ATXN1: variants seen among roughly 807,000 people sequenced by gnomAD.
ATXN1 encodes the protein ataxin-1.
ATXN1 carries 8 observed loss-of-function variants against 56.4 expected under a neutral mutation model. The ratio of observed to expected loss-of-function variants is 0.14; its 90% confidence interval spans 0.08 to 0.26. The LOEUF (loss-of-function observed/expected upper bound fraction) is 0.26. ATXN1 is among the 10% of genes least tolerant of loss of function. ATXN1 has a pLI of 1.00. For missense variants in ATXN1, 987 were observed against 1,106.5 expected, an observed-to-expected ratio of 0.89 and a Z score of 1.53; for synonymous variants, 514 against 494.6, an observed-to-expected ratio of 1.04 and a Z score of -0.52.
chr6:16,437,396 A>G (rs994884264), intron 6 of ATXN1, among the ~76,000 whole-genome samples: 1 of 152,222 alleles, frequency 6.6e-6, no homozygotes, highest in African/African-American at 2.4e-5. Context: ...ACATGTCTAC[A>G]TGGGAAGGGC....
At chr6:16,396,998 T>C (rs982910126) in intron 6 of ATXN1, among the ~76,000 whole-genome samples, 1 of 152,196 alleles carries the variant, frequency 6.6e-6, no homozygotes, top group Non-Finnish European at 1.5e-5. Context: ...CCATCTAGGC[T>C]TGGGTGAACA....
chr6:16,420,283 G>A (rs1292780809), intron 6 of ATXN1, among the ~76,000 whole-genome samples: 1 of 152,182 alleles, frequency 6.6e-6, no homozygotes, highest in East Asian at 1.9e-4. Context: ...TGTCTCTGGG[G>A]ACCTTCAGAC....
At chr6:16,560,363 A>G (rs1319558343) in intron 4 of ATXN1, among the ~76,000 whole-genome samples, 2 of 142,786 alleles carry the variant, frequency 1.4e-5, no homozygotes, top group East Asian at 4.1e-4. Context: ...GGGGAGGCGG[A>G]GGTTGCAGTG....
At chr6:16,754,283 T>C (rs1173983951) in intron 1 of ATXN1, among the ~76,000 whole-genome samples, 2 of 152,212 alleles carry the variant, frequency 1.3e-5, no homozygotes, top group Non-Finnish European at 1.5e-5. Flanking sequence ...TGGACTGATT[T>C]TCAGTCTTTG....
chr6:16,721,897 C>G (rs1340250219), intron 2 of ATXN1, among the ~76,000 whole-genome samples: 1 of 152,174 alleles, frequency 6.6e-6, no homozygotes, highest in African/African-American at 2.4e-5. Context: ...CTACAATCCT[C>G]TCCCAGAAAA....
chr6:16,650,520 T>A (rs1763874474), intron 3 of ATXN1, among the ~76,000 whole-genome samples: 1 of 152,262 alleles, frequency 6.6e-6, no homozygotes. Context: ...TAGATTTTTG[T>A]CACTGCTTTG....
intron 2 of ATXN1, among the ~76,000 whole-genome samples, chr6:16,709,802 C>T (rs543374158): frequency 2.7e-4 from 41 of 152,148 alleles, no homozygotes; most frequent in Admixed American, 8.5e-4. Context: ...TAAACATAGT[C>T]GCAAAAATAC....
At chr6:16,520,597 A>C (rs1370371160) in intron 5 of ATXN1, among the ~76,000 whole-genome samples, 1 of 152,174 alleles carries the variant, frequency 6.6e-6, no homozygotes, top group Non-Finnish European at 1.5e-5. Context: ...CAAGGCCCTT[A>C]ATTGCCCCCT....
intron 6 of ATXN1, among the ~76,000 whole-genome samples, chr6:16,423,245 A>G (rs557556658): frequency 2.6e-5 from 4 of 152,254 alleles, no homozygotes; most frequent in African/African-American, 9.6e-5. Flanking sequence ...CTTTGTTCCC[A>G]TCCTCACGGC....
intron 6 of ATXN1, among the ~76,000 whole-genome samples, chr6:16,444,091 G>C (rs1182907051): frequency 6.7e-6 from 1 of 148,314 alleles, no homozygotes; most frequent in Non-Finnish European, 1.5e-5. Context: ...ATTCCAGCCT[G>C]GGCGACAGAG....
intron 7 of ATXN1, among the ~76,000 whole-genome samples, chr6:16,320,902 A>G (rs994391930): frequency 3.3e-5 from 5 of 152,226 alleles, no homozygotes; most frequent in Admixed American, 2.6e-4. Flanking sequence ...CAGGGTAAAA[A>G]TGGCTTATTG....
intron 2 of ATXN1, among the ~76,000 whole-genome samples, chr6:16,734,343 T>A (rs1581403942): frequency 6.6e-6 from 1 of 152,172 alleles, no homozygotes; most frequent in South Asian, 2.1e-4. Context: ...TCGCCTTCAC[T>A]TTTTAAAGGT....
At chr6:16,661,842 C>G (rs1260485884) in intron 2 of ATXN1, among the ~76,000 whole-genome samples, 1 of 152,158 alleles carries the variant, frequency 6.6e-6, no homozygotes, top group Non-Finnish European at 1.5e-5. Context: ...CCGCCCCCAC[C>G]CTATCCTTCA....
At chr6:16,553,806 A>G in intron 4 of ATXN1, among the ~76,000 whole-genome samples, 1 of 152,230 alleles carries the variant, frequency 6.6e-6, no homozygotes, top group South Asian at 2.1e-4. Flanking sequence ...CCTAAATGAG[A>G]CTGTGAGTTT....
chr6:16,733,291 C>T (rs1360215434), intron 2 of ATXN1, among the ~76,000 whole-genome samples: 1 of 152,208 alleles, frequency 6.6e-6, no homozygotes, highest in African/African-American at 2.4e-5. Context: ...CCAGGCACGG[C>T]AGCTCATGTC....
chr6:16,614,594 C>T (rs2113794300), intron 3 of ATXN1, among the ~76,000 whole-genome samples: 2 of 151,656 alleles, frequency 1.3e-5, no homozygotes, highest in South Asian at 4.2e-4. Flanking sequence ...AAACCAGTAG[C>T]CAATATTATA....
intron 4 of ATXN1, among the ~76,000 whole-genome samples, chr6:16,549,536 C>G (rs763665209): frequency 2.6e-5 from 4 of 152,180 alleles, no homozygotes; most frequent in Non-Finnish European, 5.9e-5. Context: ...ATATAGGTGT[C>G]TGTTGTCCCA....
At chr6:16,701,275 C>A (rs1297292732) in intron 2 of ATXN1, among the ~76,000 whole-genome samples, 1 of 152,238 alleles carries the variant, frequency 6.6e-6, no homozygotes, top group Admixed American at 6.5e-5. Flanking sequence ...GGGAATGGCG[C>A]TCAGGCGATG....
chr6:16,658,876 A>T (rs903840907), intron 2 of ATXN1, among the ~76,000 whole-genome samples: 1 of 152,208 alleles, frequency 6.6e-6, no homozygotes, highest in Non-Finnish European at 1.5e-5. Context: ...TAAACTCCAT[A>T]AATCTCCAAA....
Sources: gnomAD v4.1 joint callset for allele counts (sites outside exome capture counted in the v4.1 genomes callset) on GRCh38, gnomAD v4.1.1 for gene constraint, MANE v1.5 for transcripts, NCBI Gene and HGNC (gene_info 2026-07-23, HGNC 2026-07-21) for gene names.